Variants in KDM3A observed in about 807,000 individuals in gnomAD.
The protein encoded by KDM3A is lysine demethylase 3A.
In KDM3A, 60 loss-of-function variants were observed where a neutral mutation model predicts 158.0. That is an observed-to-expected ratio of 0.38 (90% CI 0.31 to 0.47). The LOEUF (loss-of-function observed/expected upper bound fraction) is 0.47. Ranked by LOEUF, KDM3A falls within the 20% of genes least tolerant of loss-of-function variation. The pLI is 0.99. For synonymous variants in KDM3A, 608 were observed against 549.3 expected (o/e 1.11, Z -1.49); for missense variants, 1,319 against 1,574.3 (o/e 0.84, Z 2.74).
At chr2:86,440,853 CT>C (rs1246137976), upstream of KDM3A, 5 of 152,506 alleles carry the variant, frequency 3.3e-5, no homozygotes, top group East Asian at 9.6e-4. Context: ...GTTCTCTTCC[CT>C]GCCCTCCCCC....
chr2:86,486,586 T>C (rs1391111658), intron 21 of KDM3A, among the ~76,000 whole-genome samples: 1 of 152,220 alleles, frequency 6.6e-6, no homozygotes, highest in African/African-American at 2.4e-5. Flanking sequence ...CCCCTACTTT[T>C]CCAGTCCTCC....
intron 11 of KDM3A, among the ~76,000 whole-genome samples, chr2:86,474,245 C>T (rs1322886652): frequency 1.3e-5 from 2 of 152,204 alleles, no homozygotes; most frequent in Non-Finnish European, 1.5e-5. Context: ...TTTCCCCTGT[C>T]TAGCTTGTCT....
chr2:86,466,261 T>C, intron 9 of KDM3A, 111 bp from the exon 10 acceptor site: 1 of 1,101,586 alleles, frequency 9.1e-7, no homozygotes, highest in Non-Finnish European at 1.3e-6. Flanking sequence ...TGAGAAATTT[T>C]CTTTTTTCTT....
intron 23 of KDM3A, 81 bp from the exon 24 acceptor site, chr2:86,490,800 C>T (rs1674416654): frequency 3.9e-6 from 4 of 1,037,354 alleles, no homozygotes; most frequent in Non-Finnish European, 5.6e-6. Flanking sequence ...TTATGAACTG[C>T]CAACACTGTT....
intron 20 of KDM3A, among the ~76,000 whole-genome samples, chr2:86,485,305 G>A (rs990821579): frequency 1.3e-5 from 2 of 152,194 alleles, no homozygotes; most frequent in African/African-American, 4.8e-5. Flanking sequence ...TTTCTTACAA[G>A]GCTGATTTGG....
chr2:86,450,480 T>TAAAGCCA (rs1672406348), intron 3 of KDM3A, among the ~76,000 whole-genome samples: 1 of 152,220 alleles, frequency 6.6e-6, no homozygotes, highest in African/African-American at 2.4e-5. Flanking sequence ...TTTTTGGCTT[T>TAAAGCCA]AAAGATACTA....
intron 2 of KDM3A, among the ~76,000 whole-genome samples, chr2:86,448,902 T>C (rs1683055306): frequency 6.6e-6 from 1 of 152,162 alleles, no homozygotes; most frequent in African/African-American, 2.4e-5. Context: ...AGTTAAGGGG[T>C]AGCATATTTA....
At position 86,457,002 on chromosome 2, in the gene KDM3A, A is replaced by G; in HGVS notation, c.774A>G (p.Gly258=). ...TTTTAGGTAATTCTGCAAGAATTGGAGCTGTAAAACGCAAGTCTTCTGAGA... is the reference window on the plus strand; with the variant it reads ...TTTTAGGTAATTCTGCAAGAATTGGGGCTGTAAAACGCAAGTCTTCTGAGA... ...LVTCGNSARI[G]AVKRKSSENN... is the part of the protein sequence containing the mutation. Residue 258 remains glycine (G), a synonymous_variant, in exon 8 of 26, where the codon GGA becomes GGG. Coordinates refer to ENST00000312912, the MANE Select transcript of KDM3A (RefSeq NM_018433.6). The G allele has an allele frequency of 3.1e-6, 5 of 1,604,192 alleles. No homozygotes were observed. The highest frequency in any genetic ancestry group is 4.3e-6 in the Non-Finnish European group (5 of 1,174,152).
In KDM3A at chr2:86,474,701, T is replaced by TG. The variant is rs1553396794; in HGVS notation, c.1725-75_1725-74insG. ...AAAGTAATTACAAGTTGTAAATAAG[T>TG]TGTGTGTGTGTGTGTGTGTGTGTGT... On this transcript the variant is annotated intron_variant, in intron 11 of 25. Coordinates refer to ENST00000312912, the MANE Select transcript of KDM3A (RefSeq NM_018433.6). The TG allele has an allele frequency of 3.4e-4, 144 of 429,152 alleles. 3 individuals carry two copies. In the East Asian group the frequency reaches 4.2e-3, roughly 12 times the overall value. 26.6% of individuals were successfully genotyped at this position (429,152 alleles called of 1,614,324 possible).
chr2:86,466,299 C>T, intron 9 of KDM3A, 73 bp from the exon 10 acceptor site: 1 of 1,439,238 alleles, frequency 6.9e-7, no homozygotes, highest in Non-Finnish European at 9.4e-7. Flanking sequence ...GGGAACCAAA[C>T]AGTTTGTTTG....
intron 8 of KDM3A, among the ~76,000 whole-genome samples, chr2:86,460,010 G>T (rs1254000835): frequency 6.6e-6 from 1 of 152,178 alleles, no homozygotes; most frequent in East Asian, 1.9e-4. Flanking sequence ...CTGGGTTTCA[G>T]AAGTTCTTGA....
At chr2:86,447,171 T>G (rs1682989059) in intron 2 of KDM3A, among the ~76,000 whole-genome samples, 1 of 152,212 alleles carries the variant, frequency 6.6e-6, no homozygotes, top group African/African-American at 2.4e-5. Context: ...CACAACTTGT[T>G]GGTTTTCTTA....
At chr2:86,479,509 G>A (rs923098459) in intron 15 of KDM3A, 14 of 152,102 alleles carry the variant, frequency 9.2e-5, no homozygotes, top group African/African-American at 2.9e-4. Flanking sequence ...GAAATAAGAA[G>A]CAATATTGAT....
intron 18 of KDM3A, 186 bp from the exon 19 acceptor site, chr2:86,483,801 A>G (rs1674052332): frequency 3.8e-6 from 2 of 526,700 alleles, no homozygotes; most frequent in African/African-American, 3.9e-5. Flanking sequence ...TGTGTAGCAG[A>G]TGAATGGTGA....
chr2:86,442,334 A>G, intron 2 of KDM3A, 101 bp downstream of exon 2: 1 of 1,115,218 alleles, frequency 9.0e-7, no homozygotes, highest in Non-Finnish European at 1.3e-6. Flanking sequence ...GGAGACCAGA[A>G]AGTTGGCATA....
chr2:86,449,798 T>A lies in KDM3A; in HGVS notation c.187-9T>A. 1 of 1,568,242 alleles carries A rather than the reference T, an allele frequency of 6.4e-7. No homozygotes were observed. Among genetic ancestry groups the A allele is most frequent in the Non-Finnish European group, 8.6e-7 (1 of 1,161,498 alleles). On this transcript the variant is annotated splice_polypyrimidine_tract_variant and intron_variant, in intron 2 of 25. Coordinates refer to ENST00000312912, the MANE Select transcript of KDM3A (RefSeq NM_018433.6). ...CTGCTTCCCCCACCCCCCAATTTTG[T>A]CTGTCTAGGTGTGTGTGGAATTTGA...
In KDM3A at chr2:86,463,100, A is replaced by C. The variant is rs370946557; in HGVS notation, c.844-953A>C. On this transcript the variant is annotated intron_variant, in intron 8 of 25. Transcript: ENST00000312912. ...TAGTGAGACTGTCTCAAAAACAAAAAACAAAACAGAAAACCTATTAGTGGA... is the reference window on the plus strand; with the variant it reads ...TAGTGAGACTGTCTCAAAAACAAAACACAAAACAGAAAACCTATTAGTGGA... 1.9e-4 allele frequency among the ~76,000 whole-genome samples: 29 copies of C among 152,270 alleles called. 4 individuals are homozygous for C. The highest frequency in any genetic ancestry group is 1.7e-3 in the East Asian group (9 of 5,184).
intron 8 of KDM3A, among the ~76,000 whole-genome samples, chr2:86,457,781 CAA>C (rs1672767923): frequency 6.6e-6 from 1 of 152,112 alleles, no homozygotes; most frequent in Non-Finnish European, 1.5e-5. Flanking sequence ...ATTGGGTAAA[CAA>C]ATGTATTTCA....
chr2:86,478,067 C>CA (rs758499195), intron 13 of KDM3A, 38 bp downstream of exon 13: 5 of 1,612,718 alleles, frequency 3.1e-6, no homozygotes, highest in Non-Finnish European at 4.2e-6. Flanking sequence ...CCCCTCTACA[C>CA]AGTTAAATCA....
Sources: allele counts gnomAD v4.1 joint callset (sites outside exome capture counted in the v4.1 genomes callset), GRCh38; gene constraint gnomAD v4.1.1; transcripts MANE v1.5; gene names NCBI Gene and HGNC (gene_info 2026-07-23, HGNC 2026-07-21).